FIBCD1: variants seen among roughly 807,000 people sequenced by gnomAD.
FIBCD1 encodes fibrinogen C domain-containing protein 1.
In FIBCD1, 47 loss-of-function variants were observed where a neutral mutation model predicts 45.1. The observed-to-expected ratio is 1.04, with a 90% confidence interval of 0.82 to 1.33. The LOEUF is 1.33. Ranked by LOEUF, FIBCD1 falls within the 40% of genes most tolerant of loss-of-function variation. The pLI is 0.00. For missense variants in FIBCD1, 653 were observed against 682.2 expected (o/e 0.96, Z 0.48); for synonymous variants, 313 against 308.1 (o/e 1.02, Z -0.17).
Position 130,911,861 on chromosome 9 carries a change from C to G in FIBCD1, c.877G>C (p.Val293Leu), listed in dbSNP as rs147669758. 3.1e-6 allele frequency: 5 copies of G among 1,596,762 alleles called. No individual in the cohort carries two copies. The South Asian group carries it at 5.7e-5, about 18-fold the overall frequency. Reference protein sequence around the residue: ...TVFQRREDGSVNFFRGWDAYR... With the variant: ...TVFQRREDGSLNFFRGWDAYR... ...GCATCCCAGCCCCGGAAGAAGTTCA[C>G]GGAGCCGTCCTCCCGGCGCTGAAAC... Residue 293 changes from valine to leucine, a missense_variant, in exon 5 of 7, where the codon GTG (valine) becomes CTG (leucine). By Grantham distance (32) the Val-to-Leu change is conservative. Coordinates refer to ENST00000372338, the MANE Select transcript of FIBCD1 (RefSeq NM_032843.5).
At chr9:130,906,797 G>A (rs1404248737) in intron 5 of FIBCD1, among the ~76,000 whole-genome samples, 1 of 152,248 alleles carries the variant, frequency 6.6e-6, no homozygotes, top group Non-Finnish European at 1.5e-5. Context: ...GTGCAGATGA[G>A]TGAATCCAGT....
Position 130,930,045 on chromosome 9 carries a change from C to T in FIBCD1, c.74G>A (p.Arg25Gln), listed in dbSNP as rs371068560. The change falls in exon 2 of 7, where the codon CGG (arginine) becomes CAG (glutamine). Residue 25 changes from arginine (R) to glutamine (Q), a missense_variant and splice_region_variant. Physicochemically the swap from Arg to Gln is conservative, Grantham distance 43 (BLOSUM62 1). Transcript: ENST00000372338. ...GCACAGCACGTAGCCGCAGCTCGGC[C>T]GCTGCAGGCCCGCCCGGGACGCACA... ...LEDRPRDKPQ[R>Q]PSCGYVLCTV... 2.1e-5 allele frequency: 31 copies of T among 1,499,626 alleles called. No individual in the cohort carries two copies. The highest frequency in any genetic ancestry group is 2.8e-5 in the African/African-American group (2 of 72,142). The allele number at this position is 1,499,626 out of a possible 1,614,324, so 92.9% of individuals were successfully genotyped here.
chr9:130,924,489 C>G, intron 2 of FIBCD1, 93 bp from the exon 3 acceptor site: 1 of 1,248,206 alleles, frequency 8.0e-7, no homozygotes, highest in Non-Finnish European at 1.1e-6. Context: ...TGGGCCCTCT[C>G]CTGAGGCAGA....
Position 130,929,813 on chromosome 9 carries a change from G to A in FIBCD1, c.306C>T (p.Thr102=), listed in dbSNP as rs781457458. 22 of 1,550,616 alleles carry A rather than the reference G, an allele frequency of 1.4e-5. No individual in the cohort carries two copies. The highest frequency in any genetic ancestry group is 4.1e-5 in the African/African-American group (3 of 73,084). The change falls in exon 2 of 7, where the codon ACC becomes ACT. Residue 102 remains threonine, a synonymous_variant. Coordinates refer to ENST00000372338, the MANE Select transcript of FIBCD1 (RefSeq NM_032843.5). ...CGCTCTCCAGGCGTGCGAAGCTGTCGGTGAGGTCGGGGCAGCGCGGGTCAA... is the reference window on the plus strand; with the variant it reads ...CGCTCTCCAGGCGTGCGAAGCTGTCAGTGAGGTCGGGGCAGCGCGGGTCAA... ...ILIDPRCPDL[T]DSFARLESAQ...
intron 4 of FIBCD1, among the ~76,000 whole-genome samples, chr9:130,917,321 CTCAGAAGCCCGCCGCCCGGCGCACCT>C (rs1290270390): frequency 6.6e-6 from 1 of 152,208 alleles, no homozygotes; most frequent in Non-Finnish European, 1.5e-5. Context: ...GGTGCGGATT[CTCAGAAGCCCGCCGCCCGGCGCACCT>C]TGGAAGTGCC....
chr9:130,933,941 C>G (rs2133125052), intron 1 of FIBCD1: 1 of 152,572 alleles, frequency 6.6e-6, no homozygotes, highest in Non-Finnish European at 1.5e-5. Context: ...CCTCCTGCCG[C>G]CCACCCCCAT....
In FIBCD1 at chr9:130,938,540, G is replaced by C. The variant is rs1288610044; in HGVS notation, c.68C>G (p.Pro23Arg). The stretch of plus-strand genomic sequence containing the variant: ...TGTCCCAGCGCCCGAGCGTACCTGC[G>C]GCTTGTCGCGCGGCCGGTCCTCAAG... The part of the protein sequence containing the change: ...AQLEDRPRDK[P>R]QRPSCGYVLC... The change falls in exon 1 of 7, where the codon CCG (proline) becomes CGG (arginine). Residue 23 changes from proline (P) to arginine (R), a missense_variant. Pro to Arg is a moderately radical substitution (Grantham distance 103). Coordinates refer to ENST00000372338, the MANE Select transcript of FIBCD1 (RefSeq NM_032843.5). 9.4e-6 allele frequency: 14 copies of C among 1,489,912 alleles called. No individual in the cohort carries two copies. The highest frequency in any genetic ancestry group is 1.2e-5 in the Non-Finnish European group (14 of 1,125,708). The allele number at this position is 1,489,912 out of a possible 1,614,324, so 92.3% of individuals were successfully genotyped here. A position where few individuals can be genotyped will look rare whatever the true frequency, so the allele number is the denominator to read the frequency against.
chr9:130,905,213 C>T, intron 6 of FIBCD1, 21 bp downstream of exon 6: 1 of 1,600,516 alleles, frequency 6.2e-7, no homozygotes, highest in South Asian at 1.1e-5. Context: ...TTCCCCATCC[C>T]TGCCACAGCT....
intron 4 of FIBCD1, among the ~76,000 whole-genome samples, chr9:130,921,951 C>T (rs981143713): frequency 6.6e-5 from 10 of 152,254 alleles, no homozygotes; most frequent in African/African-American, 2.4e-4. Flanking sequence ...ACATAGCAGG[C>T]TCTGCCTTGC....
chr9:130,904,563 CT>C (rs1831893272), intron 6 of FIBCD1, among the ~76,000 whole-genome samples: 1 of 151,780 alleles, frequency 6.6e-6, no homozygotes, highest in South Asian at 2.1e-4. Flanking sequence ...GGGGCTGCCC[CT>C]GGGTCTAGGC....
Position 130,911,738 on chromosome 9 carries a change from C to T in FIBCD1, c.946+54G>A, listed in dbSNP as rs559408176. 759 of 1,509,330 alleles carry T rather than the reference C, an allele frequency of 5.0e-4. 3 individuals carry two copies. The highest frequency in any genetic ancestry group is 1.2e-3 in the Middle Eastern group (7 of 5,742). The allele number at this position is 1,509,330 out of a possible 1,614,324, so 93.5% of individuals were successfully genotyped here. A position where few individuals can be genotyped will look rare whatever the true frequency, so the allele number is the denominator to read the frequency against. On this transcript the variant is annotated intron_variant, in intron 5 of 6. Coordinates refer to ENST00000372338, the MANE Select transcript of FIBCD1 (RefSeq NM_032843.5). ...GGAGCAGCTGGGACCCAACTGTGTC[C>T]GGAAGGCAGGGGGAGGAGGCCCACC...
At chr9:130,914,814 G>A (rs996236225) in intron 4 of FIBCD1, among the ~76,000 whole-genome samples, 13 of 152,246 alleles carry the variant, frequency 8.5e-5, no homozygotes, top group African/African-American at 2.7e-4. Flanking sequence ...GGATGTGGCA[G>A]GAGGGGCTGT....
chr9:130,924,127 G>T, intron 3 of FIBCD1, 110 bp downstream of exon 3: 1 of 1,389,154 alleles, frequency 7.2e-7, no homozygotes, highest in Non-Finnish European at 9.5e-7. Flanking sequence ...CCACATGGAA[G>T]TAGGGTCGGG....
rs1422978221 is a variant in FIBCD1, at chr9:130,926,046, G to A, written c.553-1650C>T. Among the ~76,000 whole-genome samples, 1 of 152,190 alleles carries A rather than the reference G, an allele frequency of 6.6e-6. No homozygotes were observed. Among genetic ancestry groups the A allele is most frequent in the South Asian group, 2.1e-4 (1 of 4,824 alleles). On this transcript the variant is annotated intron_variant, in intron 2 of 6. Transcript: ENST00000372338. This position sits in a 1 kb window ranked among gnomAD's most constrained non-coding sequence, Gnocchi z 4.1. ...AGGAGCAGAGATGGGCAGGCAGGGC[G>A]TTTGGGTTTCACGGCAGCATCCTGT...
In FIBCD1 at chr9:130,908,534, T is replaced by G. The variant is rs115825478; in HGVS notation, c.947-3121A>C. ...CACCAGGTTCGGGGATGAGGCGAGCTGGGTTGGGCGCCAGTGTGTAGACCC... is the reference window on the plus strand; with the variant it reads ...CACCAGGTTCGGGGATGAGGCGAGCGGGGTTGGGCGCCAGTGTGTAGACCC... On this transcript the variant is annotated intron_variant, in intron 5 of 6. Coordinates refer to ENST00000372338, the MANE Select transcript of FIBCD1 (RefSeq NM_032843.5). 2.1e-3 allele frequency among the ~76,000 whole-genome samples: 314 copies of G among 152,314 alleles called. 3 individuals are homozygous for G. Among genetic ancestry groups the G allele is most frequent in the African/African-American group, 7.0e-3 (291 of 41,566 alleles).
rs572153595 is a variant in FIBCD1, at chr9:130,936,314, T to C, written c.72+2222A>G. ...GGCCCAAGGGAACCAGGGCAAGCAG[T>C]GTTCTCTCTTTCTTCTGACAGTGGC... On this transcript the variant is annotated intron_variant, in intron 1 of 6. Transcript: ENST00000372338. 11 of 152,332 alleles carry C rather than the reference T, an allele frequency of 7.2e-5. 2 individuals are homozygous for C. The highest frequency in any genetic ancestry group is 1.9e-4 in the African/African-American group (8 of 41,546). 9.4% of individuals were successfully genotyped at this position (152,332 alleles called of 1,614,324 possible).
Position 130,929,984 on chromosome 9 carries a change from T to C in FIBCD1, c.135A>G (p.Val45=). The C allele has an allele frequency of 6.5e-7, 1 of 1,545,108 alleles. No individual in the cohort carries two copies. Among genetic ancestry groups the C allele is most frequent in the Non-Finnish European group, 8.7e-7 (1 of 1,144,374 alleles). Residue 45 remains valine, a synonymous_variant, in exon 2 of 7, where the codon GTA becomes GTG. Transcript: ENST00000372338. ...GGAAGAGCACGGCACCGGTGACAGC[T>C]ACAGCCAGCAGCACAGCCAGGGCCA... The part of the protein sequence containing the change: ...VLLALAVLLA[V]AVTGAVLFLN...
At chr9:130,911,146 T>C (rs1407072521) in intron 5 of FIBCD1, among the ~76,000 whole-genome samples, 1 of 152,192 alleles carries the variant, frequency 6.6e-6, no homozygotes, top group Non-Finnish European at 1.5e-5. Context: ...GCTGCTTTTA[T>C]GAGCTGCAAC....
chr9:130,923,286 C>G (rs576218120), intron 4 of FIBCD1, among the ~76,000 whole-genome samples: 1 of 152,174 alleles, frequency 6.6e-6, no homozygotes, highest in Admixed American at 6.5e-5. Flanking sequence ...ACTTGTCAGC[C>G]CATAGCTGTG....
Sources: gnomAD v4.1 joint callset for allele counts (sites outside exome capture counted in the v4.1 genomes callset) on GRCh38, gnomAD v4.1.1 for gene constraint, Gnocchi (gnomAD v3.1) non-coding constraint, MANE v1.5 for transcripts, NCBI Gene and HGNC (gene_info 2026-07-23, HGNC 2026-07-21) for gene names.